The following CAMTA1 variants were observed in gnomAD, a reference collection of about 807,000 sequenced individuals.
The protein encoded by CAMTA1 is calmodulin binding transcription activator 1, also known as calmodulin-binding transcription activator 1.
CAMTA1 carries 27 observed loss-of-function variants against 170.9 expected under a neutral mutation model. The observed-to-expected ratio is 0.16, with a 90% confidence interval of 0.12 to 0.22. The LOEUF is 0.22. Among genes scored for constraint, CAMTA1 ranks in the 10% least tolerant of loss-of-function variants. The probability of loss-of-function intolerance (pLI) is 1.00; values close to 1 mark genes in which losing one functional copy is unlikely to be tolerated. For synonymous variants in CAMTA1, 833 were observed against 891.5 expected (o/e 0.93, Z 1.17); for missense variants, 1,619 against 2,217.2 (o/e 0.73, Z 5.42).
chr1:6,887,394 T>C lies in CAMTA1; in HGVS notation c.234+62184T>C, dbSNP rs1349855062. 6.6e-6 allele frequency among the ~76,000 whole-genome samples: 1 copy of C among 152,220 alleles called. No individual in the cohort carries two copies. The highest frequency in any genetic ancestry group is 2.4e-5 in the African/African-American group (1 of 41,456). On this transcript the variant is annotated intron_variant, in intron 3 of 22. Coordinates refer to ENST00000303635, the MANE Select transcript of CAMTA1 (RefSeq NM_015215.4). The surrounding 1 kb of genome is among the most constrained non-coding windows in gnomAD (Gnocchi z 4.1). ...TGTAACGATTGCAAAAAGACCATTG[T>C]ATGAGACCCAGTTTTGGATTATCAT...
At chr1:6,889,346 CTG>C (rs1417404639) in intron 3 of CAMTA1, among the ~76,000 whole-genome samples, 1 of 152,184 alleles carries the variant, frequency 6.6e-6, no homozygotes, top group East Asian at 1.9e-4. Context: ...ACTCACAAAT[CTG>C]TATTTATAGT....
rs141957804 is a variant in CAMTA1 at position 7,050,506 on chromosome 1, C to T, written c.235-40798C>T. The stretch of plus-strand genomic sequence containing the variant: ...GGCCTTGGCTGCATCAAACACATCG[C>T]GGGGGTGTGGAGTCTAGGGCTGAAG... On this transcript the variant is annotated intron_variant, in intron 3 of 22. Transcript: ENST00000303635. This position sits in a 1 kb window ranked among gnomAD's most constrained non-coding sequence, Gnocchi z 4.8. 7.9e-5 allele frequency among the ~76,000 whole-genome samples: 12 copies of T among 152,182 alleles called. No individual in the cohort carries two copies. The highest frequency in any genetic ancestry group is 2.2e-4 in the African/African-American group (9 of 41,512).
At chr1:7,425,863 G>C (rs1019722533) in intron 5 of CAMTA1, among the ~76,000 whole-genome samples, 6 of 152,188 alleles carry the variant, frequency 3.9e-5, no homozygotes, top group Non-Finnish European at 8.8e-5. Flanking sequence ...GAGGGGCCCA[G>C]TTGTGACTCC....
chr1:6,786,038 G>A (rs571046178), intron 1 of CAMTA1, among the ~76,000 whole-genome samples: 1 of 151,702 alleles, frequency 6.6e-6, no homozygotes, highest in Non-Finnish European at 1.5e-5. Flanking sequence ...CACTGCTCCG[G>A]GCCGGTCCCC....
chr1:7,058,906 CTT>C (rs1491439140), intron 3 of CAMTA1, among the ~76,000 whole-genome samples: 3 of 150,634 alleles, frequency 2.0e-5, no homozygotes, highest in Non-Finnish European at 4.4e-5. Context: ...CTCTCTCTCT[CTT>C]TCTTTCCTGT....
At position 7,585,566 on chromosome 1, in the gene CAMTA1, T is replaced by G. The variant is rs573442730; in HGVS notation, c.511-54834T>G. On this transcript the variant is annotated intron_variant, in intron 6 of 22. Coordinates refer to ENST00000303635, the MANE Select transcript of CAMTA1 (RefSeq NM_015215.4). The surrounding 1 kb of genome is among the most constrained non-coding windows in gnomAD (Gnocchi z 4.8). ...ATTGTAAGGACTTGGGGTTTCACCGTGAGTGTGGAGGGGAGCCAGTGAAAG... is the reference window on the plus strand; with the variant it reads ...ATTGTAAGGACTTGGGGTTTCACCGGGAGTGTGGAGGGGAGCCAGTGAAAG... Among the ~76,000 whole-genome samples, 50 of 151,948 alleles carry G rather than the reference T, an allele frequency of 3.3e-4. No homozygotes were observed. The highest frequency in any genetic ancestry group is 5.3e-4 in the Non-Finnish European group (36 of 67,986).
chr1:7,695,017 T>G (rs2096359828), intron 11 of CAMTA1, among the ~76,000 whole-genome samples: 1 of 152,202 alleles, frequency 6.6e-6, no homozygotes, highest in African/African-American at 2.4e-5. Flanking sequence ...AAAAAATGCA[T>G]CATTGCTCTA....
chr1:7,557,362 G>A (rs2094893909), intron 6 of CAMTA1, among the ~76,000 whole-genome samples: 1 of 151,472 alleles, frequency 6.6e-6, no homozygotes, highest in Non-Finnish European at 1.5e-5. Flanking sequence ...CAGCAGGAGT[G>A]TCCAGAGCCC....
intron 4 of CAMTA1, among the ~76,000 whole-genome samples, chr1:7,183,304 C>G (rs903982505): frequency 2.0e-5 from 3 of 152,126 alleles, no homozygotes; most frequent in Admixed American, 6.5e-5. Flanking sequence ...GGGATCCCCC[C>G]CAATGACCCC....
chr1:7,500,141 GGT>G (rs1346080149), intron 6 of CAMTA1, among the ~76,000 whole-genome samples: 6 of 113,736 alleles, frequency 5.3e-5, no homozygotes, highest in Middle Eastern at 6.8e-3. Flanking sequence ...TATGTATATG[GGT>G]GTGTGTGTGC....
chr1:7,427,640 A>G (rs2091931306), intron 5 of CAMTA1, among the ~76,000 whole-genome samples: 1 of 152,242 alleles, frequency 6.6e-6, no homozygotes, highest in South Asian at 2.1e-4. Flanking sequence ...AGTCTCTTTT[A>G]TAATCCTGAG....
chr1:7,654,817 C>CTATACACAA (rs1491565300), intron 7 of CAMTA1, among the ~76,000 whole-genome samples: 1 of 119,698 alleles, frequency 8.4e-6, no homozygotes, highest in African/African-American at 3.4e-5. Context: ...CCACACACAC[C>CTATACACAA]ACACACACCC....
intron 3 of CAMTA1, among the ~76,000 whole-genome samples, chr1:6,899,764 G>C (rs1202658700): frequency 1.3e-5 from 2 of 152,226 alleles, no homozygotes; most frequent in Non-Finnish European, 2.9e-5. Flanking sequence ...TAAGGTTGTG[G>C]AATGGAAGAA....
chr1:7,107,594 A>G (rs1339674933), intron 4 of CAMTA1, among the ~76,000 whole-genome samples: 1 of 152,112 alleles, frequency 6.6e-6, no homozygotes, highest in Non-Finnish European at 1.5e-5. Flanking sequence ...AAAGCCGAGA[A>G]TCCCTGCAGG....
intron 3 of CAMTA1, among the ~76,000 whole-genome samples, chr1:6,975,701 G>A (rs1193240994): frequency 6.6e-6 from 1 of 152,154 alleles, no homozygotes; most frequent in Non-Finnish European, 1.5e-5. Context: ...CTACAATTCA[G>A]TGGTTTTAGT....
rs1339765354 is a variant in CAMTA1 at position 7,740,367 on chromosome 1, G to A, written c.4182+1885G>A. 3.9e-5 allele frequency among the ~76,000 whole-genome samples: 6 copies of A among 152,210 alleles called. 1 individual carries two copies. Among genetic ancestry groups the A allele is most frequent in the Non-Finnish European group, 8.8e-5 (6 of 68,036 alleles). ...AAAACTTTATTTACATAAACAGGCA[G>A]CTGGCTGAATTCAGCCTGCCATCAT... On this transcript the variant is annotated intron_variant, in intron 16 of 22. Transcript: ENST00000303635.
intron 3 of CAMTA1, among the ~76,000 whole-genome samples, chr1:7,013,977 C>T (rs746743956): frequency 2.9e-4 from 44 of 152,356 alleles, no homozygotes; most frequent in Non-Finnish European, 4.9e-4. Flanking sequence ...GAGGCAAGGC[C>T]GTGATCTTGG....
chr1:6,828,900 T>G (rs1158367725), intron 3 of CAMTA1, among the ~76,000 whole-genome samples: 1 of 145,802 alleles, frequency 6.9e-6, no homozygotes, highest in Non-Finnish European at 1.5e-5. Context: ...GTTTTTTTTT[T>G]TTTTTTTTTT....
intron 6 of CAMTA1, among the ~76,000 whole-genome samples, chr1:7,497,379 C>T (rs1339532119): frequency 6.6e-6 from 1 of 152,210 alleles, no homozygotes; most frequent in East Asian, 1.9e-4. Flanking sequence ...TCTGGGCAGG[C>T]AGAAAGCCTA....
Sources: gnomAD v4.1 joint callset for allele counts (sites outside exome capture counted in the v4.1 genomes callset) on GRCh38, gnomAD v4.1.1 for gene constraint, Gnocchi (gnomAD v3.1) non-coding constraint, MANE v1.5 for transcripts, NCBI Gene and HGNC (gene_info 2026-07-23, HGNC 2026-07-21) for gene names.